Variants in BABAM2 observed in about 807,000 individuals in gnomAD.
BABAM2 encodes the protein BRISC and BRCA1-A complex member 2.
In BABAM2, 31 loss-of-function variants were observed where a neutral mutation model predicts 54.7. The ratio of observed to expected loss-of-function variants is 0.57; its 90% CI spans 0.43 to 0.77. The LOEUF (loss-of-function observed/expected upper bound fraction) is 0.77. BABAM2 is among the 30% of genes least tolerant of loss of function. The probability of loss-of-function intolerance (pLI) is 0.00; values close to 1 mark genes in which losing one functional copy is unlikely to be tolerated. For synonymous variants in BABAM2, 167 were observed against 162.9 expected, an observed-to-expected ratio of 1.03 and a Z score of -0.19; for missense variants, 364 against 455.8, an observed-to-expected ratio of 0.80 and a Z score of 1.83.
intron 7 of BABAM2, among the ~76,000 whole-genome samples, chr2:28,156,001 A>G (rs1672510260): frequency 6.6e-6 from 1 of 152,232 alleles, no homozygotes; most frequent in Admixed American, 6.5e-5. Flanking sequence ...TGAGAAGAAA[A>G]GTAGAGTAAT....
intron 7 of BABAM2, among the ~76,000 whole-genome samples, chr2:28,223,172 G>T (rs1464784037): frequency 6.6e-6 from 1 of 152,210 alleles, no homozygotes; most frequent in Non-Finnish European, 1.5e-5. Flanking sequence ...AAGATCAAAT[G>T]TTTTTGAAAT....
At chr2:28,232,765 A>C (rs957271379) in intron 7 of BABAM2, among the ~76,000 whole-genome samples, 11 of 152,196 alleles carry the variant, frequency 7.2e-5, no homozygotes, top group Non-Finnish European at 1.0e-4. Flanking sequence ...TCATTAACTG[A>C]AATGTTGCAT....
intron 7 of BABAM2, among the ~76,000 whole-genome samples, chr2:28,147,258 A>G (rs942476643): frequency 2.0e-5 from 3 of 152,180 alleles, no homozygotes; most frequent in South Asian, 2.1e-4. Context: ...TAGAAAGTCA[A>G]GTTGCTTCCT....
chr2:28,331,081 C>T lies in BABAM2; in HGVS notation c.1089-7369C>T, dbSNP rs150181939. Among the ~76,000 whole-genome samples the T allele has an allele frequency of 3.6e-3, 552 of 152,250 alleles. 2 individuals are homozygous for T. Among genetic ancestry groups the T allele is most frequent in the African/African-American group, 0.012 (517 of 41,526 alleles). On this transcript the variant is annotated intron_variant, in intron 11 of 11. Transcript: ENST00000379624. ...AAACAAGCAGTGGGGAAAGGATTCC[C>T]TATTCAATAAATGGTGCTGGGAAAA...
At chr2:27,935,595 C>T (rs528926301) in intron 3 of BABAM2, among the ~76,000 whole-genome samples, 1 of 152,346 alleles carries the variant, frequency 6.6e-6, no homozygotes, top group African/African-American at 2.4e-5. Context: ...GTTGATAAAG[C>T]TTCGCCAGGG....
intron 7 of BABAM2, among the ~76,000 whole-genome samples, chr2:28,189,904 T>C (rs868384167): frequency 9.9e-5 from 15 of 152,200 alleles, no homozygotes; most frequent in African/African-American, 3.6e-4. Context: ...AAAGCTACAA[T>C]AATCAAAGCA....
At chr2:28,180,670 TAA>T (rs1373089815) in intron 7 of BABAM2, among the ~76,000 whole-genome samples, 1 of 151,444 alleles carries the variant, frequency 6.6e-6, no homozygotes, top group African/African-American at 2.4e-5. Flanking sequence ...ATCAACAGAG[TAA>T]AGAGACAATC....
At chr2:27,975,156 A>G (rs923359866) in intron 3 of BABAM2, among the ~76,000 whole-genome samples, 1 of 152,112 alleles carries the variant, frequency 6.6e-6, no homozygotes, top group African/African-American at 2.4e-5. Context: ...AGTTTTAATT[A>G]GTTTCCTAAG....
rs529725307 is a variant in BABAM2 at position 28,180,831 on chromosome 2, C to T, written c.680+51451C>T. 6.6e-5 allele frequency among the ~76,000 whole-genome samples: 10 copies of T among 152,092 alleles called. No homozygotes were observed. In the South Asian group the frequency reaches 1.2e-3, roughly 19 times the overall value. On this transcript the variant is annotated intron_variant, in intron 7 of 11. Coordinates refer to ENST00000379624, the MANE Select transcript of BABAM2 (RefSeq NM_199191.3). ...AATGTACATTTTTCAGAAGAAGATA[C>T]GCAAATTGTCAACAGGTATACAAAA...
chr2:28,040,294 CTTTTTTTTTTTTTTT>C (rs397735161), intron 5 of BABAM2, among the ~76,000 whole-genome samples: 1 of 59,470 alleles, frequency 1.7e-5, no homozygotes, highest in Non-Finnish European at 3.0e-5. Context: ...AAACTGAATT[CTTTTTTTTTTTTTTT>C]TTTTTTTTTG....
chr2:28,021,519 A>G (rs906053692), intron 4 of BABAM2, among the ~76,000 whole-genome samples: 1 of 152,208 alleles, frequency 6.6e-6, no homozygotes, highest in East Asian at 1.9e-4. Flanking sequence ...TACTTTTTCA[A>G]TGAAAAATTA....
intron 6 of BABAM2, among the ~76,000 whole-genome samples, chr2:28,108,616 T>C (rs962517942): frequency 6.6e-6 from 1 of 152,216 alleles, no homozygotes; most frequent in African/African-American, 2.4e-5. Context: ...TCAATAGTTA[T>C]GCTAAGTCCA....
In BABAM2 at chr2:27,971,694, GTTT is replaced by G. The variant is rs994032875; in HGVS notation, c.206-16290_206-16288del. Among the ~76,000 whole-genome samples, 9 of 143,920 alleles carry G rather than the reference GTTT, an allele frequency of 6.3e-5. No homozygotes were observed. The South Asian group carries it at 2.0e-3, about 31-fold the overall frequency. 94.4% of individuals were successfully genotyped at this position (143,920 alleles called of 152,430 possible). On this transcript the variant is annotated intron_variant, in intron 3 of 11. Coordinates refer to ENST00000379624, the MANE Select transcript of BABAM2 (RefSeq NM_199191.3). ...GCTTACTTGCTAAATTTTCCCATGT[GTTT>G]TTTTTTTTCAATGTTTTACTATTTC... is the stretch of plus-strand genomic sequence containing the variant.
chr2:28,241,494 C>A (rs1682424499), intron 9 of BABAM2, 101 bp downstream of exon 9: 15 of 1,084,750 alleles, frequency 1.4e-5, no homozygotes, highest in Middle Eastern at 4.1e-4. Context: ...AGTTCTTACA[C>A]ATGATACCTT....
chr2:27,914,792 A>AATT, intron 2 of BABAM2, among the ~76,000 whole-genome samples: 1 of 152,338 alleles, frequency 6.6e-6, no homozygotes, highest in East Asian at 1.9e-4. Flanking sequence ...ACACGTACAC[A>AATT]GATATATGTA....
At chr2:28,039,664 G>T (rs1676919415) in intron 5 of BABAM2, among the ~76,000 whole-genome samples, 1 of 152,192 alleles carries the variant, frequency 6.6e-6, no homozygotes, top group South Asian at 2.1e-4. Context: ...CCTGAACTTG[G>T]ACTCCATTCT....
chr2:28,181,976 C>T (rs1033646679), intron 7 of BABAM2, among the ~76,000 whole-genome samples: 3 of 151,638 alleles, frequency 2.0e-5, no homozygotes, highest in Non-Finnish European at 4.4e-5. Context: ...TTCTCCAGGG[C>T]GGAGAATCTG....
At chr2:28,129,188 C>A in intron 6 of BABAM2, 83 bp from the exon 7 acceptor site, 2 of 1,286,396 alleles carry the variant, frequency 1.6e-6, no homozygotes, top group Non-Finnish European at 2.3e-6. Flanking sequence ...GTCATGGCTT[C>A]AATGCCAGTG....
At chr2:27,910,274 G>A (rs1265416962) in intron 2 of BABAM2, among the ~76,000 whole-genome samples, 2 of 152,110 alleles carry the variant, frequency 1.3e-5, no homozygotes, top group African/African-American at 4.8e-5. Flanking sequence ...ATGGTTCCAG[G>A]TTCAGGGGTG....
Sources: allele counts gnomAD v4.1 joint callset (sites outside exome capture counted in the v4.1 genomes callset), GRCh38; gene constraint gnomAD v4.1.1; transcripts MANE v1.5; gene names NCBI Gene and HGNC (gene_info 2026-07-23, HGNC 2026-07-21).